The following NUP214 variants were observed in gnomAD, a reference collection of about 807,000 sequenced individuals.
NUP214 encodes the protein nuclear pore complex protein Nup214.
A neutral mutation model predicts 196.2 loss-of-function variants in NUP214; 79 were observed. The observed-to-expected ratio is 0.40, with a 90% CI of 0.34 to 0.49. The LOEUF is 0.49. Among genes scored for constraint, NUP214 ranks in the 20% least tolerant of loss-of-function variants. The probability of loss-of-function intolerance (pLI) is 0.58; values close to 1 mark genes in which losing one functional copy is unlikely to be tolerated. For missense variants in NUP214, 2,468 were observed against 2,539.0 expected, an observed-to-expected ratio of 0.97 and a Z score of 0.60; for synonymous variants, 1,020 against 990.5, an observed-to-expected ratio of 1.03 and a Z score of -0.56.
intron 25 of NUP214, among the ~76,000 whole-genome samples, chr9:131,188,079 C>T (rs1412513751): frequency 1.3e-5 from 2 of 152,212 alleles, no homozygotes. Flanking sequence ...CGCAAACTCT[C>T]ACGATTAGTA....
intron 18 of NUP214, among the ~76,000 whole-genome samples, chr9:131,161,623 C>T (rs1476828187): frequency 6.6e-6 from 1 of 152,120 alleles, no homozygotes; most frequent in Non-Finnish European, 1.5e-5. Context: ...CAAGTCAGCC[C>T]TGAACTCAAA....
chr9:131,133,145 T>C lies in NUP214; in HGVS notation c.767T>C (p.Ile256Thr). 6.2e-7 allele frequency: 1 copy of C among 1,609,688 alleles called. No homozygotes were observed. Among genetic ancestry groups the C allele is most frequent in the South Asian group, 1.1e-5 (1 of 90,130 alleles). The stretch of plus-strand genomic sequence containing the variant: ...TGGATTGGTACCTACGTCTTCGCCA[T>C]AGTGTATGCTGCTGCAGATGGGACC... ...VLWIGTYVFA[I>T]VYAAADGTLE... Residue 256 changes from isoleucine to threonine, a missense_variant, in exon 7 of 36, where the codon ATA becomes ACA. By Grantham distance (89) the Ile-to-Thr change is moderately conservative (BLOSUM62 -1). Around this residue, in one of 5 missense-constraint regions of NUP214, gnomAD observed 392 missense variants for 417.9 expected, o/e 0.94. Coordinates refer to ENST00000359428, the MANE Select transcript of NUP214 (RefSeq NM_005085.4).
rs193211029 is a variant in NUP214 at position 131,156,619 on chromosome 9, A to T, written c.2437-2764A>T. 1.5e-4 allele frequency among the ~76,000 whole-genome samples: 20 copies of T among 132,384 alleles called. 1 individual carries two copies. In the East Asian group the frequency reaches 4.2e-3, roughly 27 times the overall value. The allele number at this position is 132,384 out of a possible 152,430, so 86.8% of individuals were successfully genotyped here. A position where few individuals can be genotyped will look rare whatever the true frequency, so the allele number is the denominator to read the frequency against. ...TATAAAAGGGGTTGTTGTTTATTTG[A>T]TTCTCAGCTTGGTCGCTGTTGGTGT... On this transcript the variant is annotated intron_variant, in intron 17 of 35. Coordinates refer to ENST00000359428, the MANE Select transcript of NUP214 (RefSeq NM_005085.4).
At chr9:131,172,514 C>T (rs1009228867) in intron 21 of NUP214, among the ~76,000 whole-genome samples, 3 of 152,118 alleles carry the variant, frequency 2.0e-5, no homozygotes, top group South Asian at 4.1e-4. Flanking sequence ...TGCCTGTTCA[C>T]TCTGATGGTA....
chr9:131,168,353 A>G (rs1832847028), intron 21 of NUP214, among the ~76,000 whole-genome samples: 1 of 152,212 alleles, frequency 6.6e-6, no homozygotes, highest in South Asian at 2.1e-4. Context: ...GTCTTTCACA[A>G]TTGGATCAAC....
chr9:131,143,012 T>A (rs1468757469), intron 11 of NUP214, among the ~76,000 whole-genome samples: 1 of 151,990 alleles, frequency 6.6e-6, no homozygotes, highest in African/African-American at 2.4e-5. Flanking sequence ...GAAAAAAAAA[T>A]TATTCATTTT....
intron 23 of NUP214, among the ~76,000 whole-genome samples, 170 bp from the exon 24 acceptor site, chr9:131,178,141 G>A (rs1255850971): frequency 6.6e-6 from 1 of 152,146 alleles, no homozygotes; most frequent in Non-Finnish European, 1.5e-5. Flanking sequence ...GAGTAGGCCA[G>A]GTGTTCCTTT....
chr9:131,217,317 G>A (rs1291978745), intron 31 of NUP214, among the ~76,000 whole-genome samples: 2 of 152,124 alleles, frequency 1.3e-5, no homozygotes, highest in East Asian at 1.9e-4. Context: ...TGTTCTTTAG[G>A]TTTCAGTCTG....
rs1834939245 is a variant in NUP214, at chr9:131,233,656, T to G, written c.*169T>G. ...AAGGCGCATGATTACTTGTTTTATA[T>G]TTCATGTTGGGTTTTCCCTCCCACT... On this transcript the variant is annotated 3_prime_UTR_variant, in exon 36 of 36. Transcript: ENST00000359428. The G allele has an allele frequency of 1.3e-6, 1 of 747,002 alleles. No homozygotes were observed. Among genetic ancestry groups the G allele is most frequent in the Non-Finnish European group, 2.3e-6 (1 of 432,544 alleles). The allele number at this position is 747,002 out of a possible 1,614,324, so 46.3% of individuals were successfully genotyped here.
intron 21 of NUP214, among the ~76,000 whole-genome samples, chr9:131,166,569 C>G (rs1238741666): frequency 1.8e-4 from 27 of 152,140 alleles, no homozygotes. Context: ...CATGTAAACA[C>G]TTTGAATTTT....
At chr9:131,129,214 A>G in intron 3 of NUP214, 65 bp from the exon 4 acceptor site, 23 of 1,329,262 alleles carry the variant, frequency 1.7e-5, no homozygotes, top group Non-Finnish European at 2.5e-5. Context: ...TTTCCATTGA[A>G]TATTAAATGT....
intron 29 of NUP214, among the ~76,000 whole-genome samples, chr9:131,199,402 G>A (rs1452250897): frequency 6.6e-6 from 1 of 152,196 alleles, no homozygotes; most frequent in East Asian, 1.9e-4. Flanking sequence ...CAAGGAGACT[G>A]CTCTAATGTC....
chr9:131,178,354 A>G lies in NUP214; in HGVS notation c.3363A>G (p.Gln1121=), dbSNP rs1833173729. 6.2e-7 allele frequency: 1 copy of G among 1,614,114 alleles called. No individual in the cohort carries two copies. Among genetic ancestry groups the G allele is most frequent in the Non-Finnish European group, 8.5e-7 (1 of 1,179,960 alleles). ...AATCAACGTTGAAGAATGTCCCTCA[A>G]GTGGTAAATGTGCAGGAATTGAAGA... ...LTESTLKNVP[Q]VVNVQELKNN... Residue 1121 remains glutamine, a synonymous_variant, in exon 24 of 36, where the codon CAA becomes CAG. Coordinates refer to ENST00000359428, the MANE Select transcript of NUP214 (RefSeq NM_005085.4).
At chr9:131,218,672 G>C (rs1156459751) in intron 31 of NUP214, among the ~76,000 whole-genome samples, 2 of 151,858 alleles carry the variant, frequency 1.3e-5, no homozygotes, top group East Asian at 3.9e-4. Flanking sequence ...TTCCATTGTG[G>C]TCTGAAAATC....
At position 131,190,636 on chromosome 9, in the gene NUP214, G is replaced by T. The variant is rs1028466205; in HGVS notation, c.3574+1505G>T. The T allele has an allele frequency of 5.4e-5, 28 of 516,732 alleles. No homozygotes were observed. In the East Asian group the frequency reaches 9.2e-4, roughly 17 times the overall value. 32.0% of individuals were successfully genotyped at this position (516,732 alleles called of 1,614,324 possible). A position where few individuals can be genotyped will look rare whatever the true frequency, so the allele number is the denominator to read the frequency against. Reference sequence around the variant, plus strand: ...TATTAGTAATGGAAATACCTTCATTGTTTTTCTGATTGTAAAACTATTACA... The same window carrying T: ...TATTAGTAATGGAAATACCTTCATTTTTTTTCTGATTGTAAAACTATTACA... On this transcript the variant is annotated intron_variant, in intron 26 of 35. Coordinates refer to ENST00000359428, the MANE Select transcript of NUP214 (RefSeq NM_005085.4).
At chr9:131,182,905 T>C (rs1007380602) in intron 24 of NUP214, among the ~76,000 whole-genome samples, 1 of 152,242 alleles carries the variant, frequency 6.6e-6, no homozygotes, top group African/African-American at 2.4e-5. Flanking sequence ...TTAGGGTTTA[T>C]AGTATACATC....
chr9:131,137,811 A>G (rs1032104847), intron 9 of NUP214, among the ~76,000 whole-genome samples: 10 of 152,070 alleles, frequency 6.6e-5, no homozygotes, highest in South Asian at 2.1e-4. Flanking sequence ...TCAGCCTCCC[A>G]AAGTGCTGGG....
chr9:131,134,125 T>C (rs1241361668), intron 7 of NUP214, among the ~76,000 whole-genome samples: 1 of 152,190 alleles, frequency 6.6e-6, no homozygotes, highest in Non-Finnish European at 1.5e-5. Context: ...TTTAAATTTT[T>C]CGCAGAGGTA....
chr9:131,126,770 G>A (rs1831368370), intron 1 of NUP214, among the ~76,000 whole-genome samples: 1 of 151,910 alleles, frequency 6.6e-6, no homozygotes, highest in Admixed American at 6.6e-5. Context: ...GGCTGGTCTC[G>A]AACTCCTGAC....
Sources: gnomAD v4.1 joint callset for allele counts (sites outside exome capture counted in the v4.1 genomes callset) on GRCh38, gnomAD v4.1.1 for gene constraint, gnomAD v4.1.1 regional missense constraint, MANE v1.5 for transcripts, NCBI Gene and HGNC (gene_info 2026-07-23, HGNC 2026-07-21) for gene names.